Variants in AP3D1 observed in about 807,000 individuals in gnomAD.
The protein encoded by AP3D1 is adaptor related protein complex 3 subunit delta 1.
AP3D1 carries 51 observed loss-of-function variants against 147.6 expected under a neutral mutation model. The observed-to-expected ratio is 0.35, with a 90% CI of 0.28 to 0.44. The LOEUF (loss-of-function observed/expected upper bound fraction) is 0.44. Ranked by LOEUF, AP3D1 falls within the 20% of genes least tolerant of loss-of-function variation. The pLI is 1.00. For missense variants in AP3D1, 1,421 were observed against 1,624.2 expected (o/e 0.87, Z 2.15); for synonymous variants, 760 against 663.0 (o/e 1.15, Z -2.25).
At chr19:2,152,419 T>C (rs2019560134), upstream of AP3D1, among the ~76,000 whole-genome samples, 1 of 151,942 alleles carries the variant, frequency 6.6e-6, no homozygotes, top group Admixed American at 6.6e-5. Context: ...GGTGGGCACC[T>C]GTAATCCCAG....
chr19:2,102,287 T>C lies in AP3D1; in HGVS notation c.3553-19A>G, dbSNP rs377677703. 5.1e-4 allele frequency: 823 copies of C among 1,601,262 alleles called. No homozygotes were observed. The highest frequency in any genetic ancestry group is 5.9e-4 in the Non-Finnish European group (686 of 1,168,906). On this transcript the variant is annotated intron_variant, in intron 31 of 31. Transcript: ENST00000643116. ...TCTCACCCTGTGTAAGGAAAAAAGA[T>C]GGATATTTTAAAAGTGTGTGCAGGG...
chr19:2,160,966 C>T (rs143161850), intron 1 of AP3D1, among the ~76,000 whole-genome samples: 25 of 152,054 alleles, frequency 1.6e-4, no homozygotes, highest in African/African-American at 3.6e-4. Flanking sequence ...TGGTTGAGAC[C>T]GCCTGGGTAA....
In AP3D1 at chr19:2,120,792, G is replaced by A. The variant is rs571212412; in HGVS notation, c.1481+70C>T. On this transcript the variant is annotated intron_variant, in intron 14 of 31. Coordinates refer to ENST00000643116, the MANE Select transcript of AP3D1 (RefSeq NM_001261826.3). ...GGAGACGGTAGGAAGGATCTGCCAG[G>A]CACATCCCTGGTCCCTACCCCTCAG... The A allele has an allele frequency of 3.4e-6, 5 of 1,464,900 alleles. No homozygotes were observed. In the South Asian group the frequency reaches 5.9e-5, roughly 17 times the overall value. 90.7% of individuals were successfully genotyped at this position (1,464,900 alleles called of 1,614,324 possible).
rs770437984 is a variant in AP3D1 at position 2,115,600 on chromosome 19, G to C, written c.2087C>G (p.Thr696Ser). Residue 696 changes from threonine to serine, a missense_variant, in exon 19 of 32, where the codon ACC (threonine) becomes AGC (serine). Physicochemically the swap from Thr to Ser is moderately conservative, Grantham distance 58. Transcript: ENST00000643116. ...CACGGGAATGTGCTCCACGCCCGGG[G>C]TGTCCTGGTACCGCTGCAAAGGCAA... The part of the protein sequence containing the change: ...SPSPQKRYQD[T>S]PGVEHIPVVQ... 13 of 1,612,912 alleles carry C rather than the reference G, an allele frequency of 8.1e-6. No individual in the cohort carries two copies. Among genetic ancestry groups the C allele is most frequent in the Non-Finnish European group, 1.1e-5 (13 of 1,179,676 alleles).
chr19:2,140,386 T>C lies in AP3D1; in HGVS notation c.97-1672A>G, dbSNP rs1478909678. Among the ~76,000 whole-genome samples, 11 of 152,098 alleles carry C rather than the reference T, an allele frequency of 7.2e-5. No homozygotes were observed. The East Asian group carries it at 1.9e-3, about 27-fold the overall frequency. ...CACACGAACACACAGGGCAGCACCA[T>C]TTCTAGTGGCCTGAAACAGGAACAG... On this transcript the variant is annotated intron_variant, in intron 1 of 31. Transcript: ENST00000643116.
chr19:2,121,037 G>T lies in AP3D1; in HGVS notation c.1306C>A (p.Leu436Ile). 1 of 1,612,864 alleles carries T rather than the reference G, an allele frequency of 6.2e-7. No individual in the cohort carries two copies. The highest frequency in any genetic ancestry group is 8.5e-7 in the Non-Finnish European group (1 of 1,179,974). The stretch of plus-strand genomic sequence containing the variant: ...ACGTCCAGCATTTGGGCGGCGATGA[G>T]GTGGCCGTGCCGTGTGCCCTCCAGC... The part of the protein sequence containing the change: ...TRLEGTRHGH[L>I]IAAQMLDVAI... The change falls in exon 14 of 32, where the codon CTC becomes ATC. Residue 436 changes from leucine to isoleucine, a missense_variant. This residue lies in a region of AP3D1 where 310 missense variants were observed against 388.1 expected (regional missense o/e 0.80). Coordinates refer to ENST00000643116, the MANE Select transcript of AP3D1 (RefSeq NM_001261826.3).
At chr19:2,132,126 G>C (rs2018967698) in intron 5 of AP3D1, among the ~76,000 whole-genome samples, 1 of 152,098 alleles carries the variant, frequency 6.6e-6, no homozygotes, top group African/African-American at 2.4e-5. Flanking sequence ...TCAAGCTGTG[G>C]CCAGGGATGG....
At chr19:2,124,345 C>T (rs2018693280) in intron 9 of AP3D1, among the ~76,000 whole-genome samples, 1 of 152,240 alleles carries the variant, frequency 6.6e-6, no homozygotes, top group South Asian at 2.1e-4. Context: ...GCTCTAGAAG[C>T]TGGGCCTGGC....
At chr19:2,129,845 G>T (rs536342480) in intron 6 of AP3D1, among the ~76,000 whole-genome samples, 1 of 152,342 alleles carries the variant, frequency 6.6e-6, no homozygotes, top group South Asian at 2.1e-4. Flanking sequence ...ACTCCAGGGA[G>T]AAGCTCGCCC....
At chr19:2,137,906 G>C (rs2019119828) in intron 2 of AP3D1, 99 bp from the exon 3 acceptor site, 1 of 1,002,220 alleles carries the variant, frequency 1.0e-6, no homozygotes, top group Non-Finnish European at 1.5e-6. Flanking sequence ...CACGGTGCTG[G>C]AACAGACTCA....
At chr19:2,120,053 C>A (rs552916393) in intron 14 of AP3D1, among the ~76,000 whole-genome samples, 4 of 152,128 alleles carry the variant, frequency 2.6e-5, no homozygotes, top group Non-Finnish European at 4.4e-5. Flanking sequence ...CTTCCTGAGC[C>A]GGGGCAGGCC....
upstream of AP3D1, among the ~76,000 whole-genome samples, chr19:2,154,285 T>C (rs371393711): frequency 2.0e-4 from 16 of 79,152 alleles, no homozygotes; most frequent in African/African-American, 4.4e-4. Context: ...GTTTTTTTTT[T>C]CTTTTTTTTT....
intron 30 of AP3D1, 51 bp from the exon 31 acceptor site, chr19:2,108,817 C>T (rs1359643406): frequency 1.3e-5 from 20 of 1,534,194 alleles, no homozygotes; most frequent in Non-Finnish European, 1.6e-5. Flanking sequence ...ATGGCTGCAG[C>T]CCCACCCCCA....
chr19:2,124,239 G>C (rs757051207), intron 9 of AP3D1, among the ~76,000 whole-genome samples: 2 of 152,214 alleles, frequency 1.3e-5, no homozygotes, highest in African/African-American at 4.8e-5. Context: ...CCAGGCGCTG[G>C]GTCTCTGGGA....
intron 1 of AP3D1, among the ~76,000 whole-genome samples, chr19:2,143,632 G>C (rs117295673): frequency 6.6e-6 from 1 of 151,994 alleles, no homozygotes; most frequent in African/African-American, 2.4e-5. Flanking sequence ...GCTGGGCGTG[G>C]TGGCACATCG....
At chr19:2,115,964 G>C (rs932246636) in intron 18 of AP3D1, among the ~76,000 whole-genome samples, 2 of 152,272 alleles carry the variant, frequency 1.3e-5, no homozygotes, top group Non-Finnish European at 2.9e-5. Context: ...ACGACCGTGG[G>C]GTCAGGGCTG....
intron 1 of AP3D1, among the ~76,000 whole-genome samples, chr19:2,150,128 A>G (rs1184321978): frequency 1.3e-5 from 2 of 152,222 alleles, no homozygotes; most frequent in African/African-American, 4.8e-5. Flanking sequence ...AGAGAGAGGG[A>G]CATGGGCTGA....
intron 31 of AP3D1, among the ~76,000 whole-genome samples, chr19:2,106,536 G>A (rs1357991956): frequency 1.3e-5 from 2 of 151,976 alleles, no homozygotes; most frequent in African/African-American, 2.4e-5. Flanking sequence ...AACAGAACAA[G>A]ACTCTGTTTC....
intron 4 of AP3D1, among the ~76,000 whole-genome samples, chr19:2,134,062 T>C (rs184662395): frequency 6.6e-6 from 1 of 151,686 alleles, no homozygotes; most frequent in African/African-American, 2.4e-5. Flanking sequence ...GAGCCGACAT[T>C]GTACTCCAGA....
Sources: allele counts gnomAD v4.1 joint callset (sites outside exome capture counted in the v4.1 genomes callset), GRCh38; gene constraint gnomAD v4.1.1; regional missense constraint gnomAD v4.1.1; transcripts MANE v1.5; gene names NCBI Gene and HGNC (gene_info 2026-07-23, HGNC 2026-07-21).